Variants in GALNT2 observed in about 807,000 individuals in gnomAD.
GALNT2 encodes the protein polypeptide N-acetylgalactosaminyltransferase 2.
A neutral mutation model predicts 81.4 loss-of-function variants in GALNT2; 31 were observed. The ratio of observed to expected loss-of-function variants is 0.38; its 90% CI spans 0.29 to 0.51. The LOEUF (loss-of-function observed/expected upper bound fraction) is 0.51, where lower values mean the gene tolerates loss of function less well. Ranked by LOEUF, GALNT2 falls within the 20% of genes least tolerant of loss-of-function variation. GALNT2 has a pLI of 0.87. For synonymous variants in GALNT2, 303 were observed against 287.4 expected, an observed-to-expected ratio of 1.05 and a Z score of -0.55; for missense variants, 629 against 765.7, an observed-to-expected ratio of 0.82 and a Z score of 2.11.
intron 1 of GALNT2, among the ~76,000 whole-genome samples, chr1:230,155,453 AC>A (rs1383525821): frequency 1.3e-5 from 2 of 152,238 alleles, no homozygotes; most frequent in South Asian, 2.1e-4. Flanking sequence ...ATACAATTCA[AC>A]CTGTAGCTGT....
intron 1 of GALNT2, among the ~76,000 whole-genome samples, chr1:230,131,960 A>G (rs1661381305): frequency 1.3e-5 from 2 of 152,166 alleles, no homozygotes; most frequent in South Asian, 2.1e-4. Context: ...CCTGTGATCA[A>G]TTAAGCAGCT....
rs373088812 is a variant in GALNT2 at position 230,196,981 on chromosome 1, G to T, written c.221-6156G>T. Among the ~76,000 whole-genome samples the T allele has an allele frequency of 3.3e-5, 5 of 152,160 alleles. 1 individual carries two copies. The highest frequency in any genetic ancestry group is 1.2e-4 in the African/African-American group (5 of 41,522). ...TAGGGACCTAACTGATCATGATATG[G>T]CTGATAGTAAAACTAATTTTCTCTT... On this transcript the variant is annotated intron_variant, in intron 2 of 15. Transcript: ENST00000366672.
chr1:230,084,659 GC>G (rs998001364), intron 1 of GALNT2, among the ~76,000 whole-genome samples: 2 of 152,082 alleles, frequency 1.3e-5, no homozygotes, highest in African/African-American at 4.8e-5. Context: ...GGGGGACCAT[GC>G]CTCACAGGTT....
intron 1 of GALNT2, among the ~76,000 whole-genome samples, chr1:230,172,928 G>C (rs1052603092): frequency 6.6e-6 from 1 of 152,206 alleles, no homozygotes; most frequent in Non-Finnish European, 1.5e-5. Flanking sequence ...TGTGCTCTCT[G>C]ATTATGGCAG....
intron 3 of GALNT2, among the ~76,000 whole-genome samples, chr1:230,217,403 C>T (rs192417690): frequency 4.6e-5 from 7 of 152,158 alleles, no homozygotes; most frequent in African/African-American, 1.7e-4. Context: ...GTGTGCCAGG[C>T]CTATCTAAAG....
At chr1:230,209,070 T>G (rs1664154417) in intron 3 of GALNT2, among the ~76,000 whole-genome samples, 2 of 152,080 alleles carry the variant, frequency 1.3e-5, no homozygotes, top group African/African-American at 4.8e-5. Context: ...TGAAGTTGTT[T>G]TTTTGTTTTT....
chr1:230,236,254 A>T (rs1367696369), intron 4 of GALNT2, 99 bp from the exon 5 acceptor site: 1 of 1,400,854 alleles, frequency 7.1e-7, no homozygotes, highest in East Asian at 2.3e-5. Flanking sequence ...TAGCTCCTCC[A>T]ACCAAGGGTT....
At chr1:230,166,138 G>A (rs201268281) in intron 1 of GALNT2, among the ~76,000 whole-genome samples, 1 of 142,134 alleles carries the variant, frequency 7.0e-6, no homozygotes, top group South Asian at 2.3e-4. Context: ...AAAAAAAAAA[G>A]ACCTTTTGAA....
At chr1:230,265,174 A>C (rs1274847067) in intron 13 of GALNT2, 67 bp from the exon 14 acceptor site, 11 of 1,608,520 alleles carry the variant, frequency 6.8e-6, no homozygotes, top group Non-Finnish European at 9.4e-6. Flanking sequence ...CACTGAGCAA[A>C]GGGGCTGGTG....
intron 1 of GALNT2, among the ~76,000 whole-genome samples, chr1:230,158,580 G>A (rs1381422565): frequency 1.3e-5 from 2 of 152,216 alleles, no homozygotes; most frequent in Non-Finnish European, 2.9e-5. Context: ...ATCCACAAGA[G>A]TGGAAGCAGC....
In GALNT2 at chr1:230,184,696, A is replaced by G. The variant is rs574146806; in HGVS notation, c.220+6385A>G. ...TTTGATTTTCTGCAATTTGAATATG[A>G]TATGCCTCAGTGTAGTTTTTGGAGC... On this transcript the variant is annotated intron_variant, in intron 2 of 15. Transcript: ENST00000366672. 3.9e-5 allele frequency among the ~76,000 whole-genome samples: 6 copies of G among 152,042 alleles called. 1 individual carries two copies. In the South Asian group the frequency reaches 1.0e-3, roughly 26 times the overall value.
intron 1 of GALNT2, among the ~76,000 whole-genome samples, chr1:230,074,366 A>G (rs1346131704): frequency 6.6e-6 from 1 of 152,178 alleles, no homozygotes; most frequent in Admixed American, 6.5e-5. Flanking sequence ...GGTGTGAGCG[A>G]CTGCACTGGG....
At chr1:230,145,153 C>A (rs1661876002) in intron 1 of GALNT2, among the ~76,000 whole-genome samples, 1 of 152,168 alleles carries the variant, frequency 6.6e-6, no homozygotes, top group Non-Finnish European at 1.5e-5. Context: ...TGGGCCCCTC[C>A]TGCCTCAGTA....
intron 1 of GALNT2, among the ~76,000 whole-genome samples, chr1:230,117,554 C>T (rs189663044): frequency 2.0e-3 from 311 of 152,178 alleles, no homozygotes; most frequent in Non-Finnish European, 3.6e-3. Flanking sequence ...ATCGTGGTAT[C>T]GCAGGGAATA....
At chr1:230,204,104 A>G (rs963866757) in intron 3 of GALNT2, among the ~76,000 whole-genome samples, 1 of 151,916 alleles carries the variant, frequency 6.6e-6, no homozygotes, top group Non-Finnish European at 1.5e-5. Flanking sequence ...TAGCCTCCCA[A>G]AGTGCTGGAA....
chr1:230,074,000 G>A (rs1659454422), intron 1 of GALNT2, among the ~76,000 whole-genome samples: 1 of 152,182 alleles, frequency 6.6e-6, no homozygotes, highest in Non-Finnish European at 1.5e-5. Context: ...CAGAGTTCAG[G>A]TCAGGACATG....
At chr1:230,088,352 T>A (rs1322591673) in intron 1 of GALNT2, among the ~76,000 whole-genome samples, 1 of 152,174 alleles carries the variant, frequency 6.6e-6, no homozygotes, top group Non-Finnish European at 1.5e-5. Flanking sequence ...TATTTGTCCT[T>A]TTCTGATTGG....
chr1:230,250,928 G>A (rs779095947), intron 10 of GALNT2, among the ~76,000 whole-genome samples: 4 of 152,214 alleles, frequency 2.6e-5, no homozygotes, highest in Admixed American at 6.5e-5. Flanking sequence ...GAACCCCGGC[G>A]AGGCTGGTGG....
chr1:230,156,489 A>G (rs1275601135), intron 1 of GALNT2, among the ~76,000 whole-genome samples: 1 of 152,080 alleles, frequency 6.6e-6, no homozygotes, highest in Non-Finnish European at 1.5e-5. Context: ...CTTTACCTTC[A>G]ACGTTCGTTT....
Sources: allele counts gnomAD v4.1 joint callset (sites outside exome capture counted in the v4.1 genomes callset), GRCh38; gene constraint gnomAD v4.1.1; transcripts MANE v1.5; gene names NCBI Gene and HGNC (gene_info 2026-07-23, HGNC 2026-07-21).